PREP: variants seen among roughly 807,000 people sequenced by gnomAD.
PREP encodes dJ355L5.1 (prolyl endopeptidase).
Under a neutral mutation model 87.6 loss-of-function variants are expected in PREP, and 29 were observed. That is an observed-to-expected ratio of 0.33 (90% confidence interval 0.25 to 0.45). The LOEUF (loss-of-function observed/expected upper bound fraction) is 0.45, where lower values mean the gene tolerates loss of function less well. Ranked by LOEUF, PREP falls within the 20% of genes least tolerant of loss-of-function variation. The pLI is 1.00. For missense variants in PREP, 695 were observed against 886.5 expected, an observed-to-expected ratio of 0.78 and a Z score of 2.74; for synonymous variants, 337 against 328.6, an observed-to-expected ratio of 1.03 and a Z score of -0.28.
chr6:105,385,827 C>T (rs72939750), intron 2 of PREP, among the ~76,000 whole-genome samples: 12,652 of 152,208 alleles, frequency 0.083, 631 homozygotes, highest in Middle Eastern at 0.16. Flanking sequence ...CTAAAAAACA[C>T]GACCAATTGT....
chr6:105,315,108 A>T (rs904769189), intron 10 of PREP, among the ~76,000 whole-genome samples: 8 of 152,226 alleles, frequency 5.3e-5, no homozygotes, highest in Non-Finnish European at 1.0e-4. Context: ...GCTGTCATCC[A>T]GGCCATTTCT....
intron 7 of PREP, among the ~76,000 whole-genome samples, chr6:105,349,652 T>C (rs1771892608): frequency 6.6e-6 from 1 of 151,996 alleles, no homozygotes; most frequent in East Asian, 1.9e-4. Flanking sequence ...AAAATGCTGA[T>C]AATTCCCCCT....
At position 105,383,344 on chromosome 6, in the gene PREP, C is replaced by A. The variant is rs1772899034; in HGVS notation, c.121-5825G>T. Among the ~76,000 whole-genome samples, 5 of 151,756 alleles carry A rather than the reference C, an allele frequency of 3.3e-5. No individual in the cohort carries two copies. The South Asian group carries it at 1.0e-3, about 32-fold the overall frequency. Reference sequence around the variant, plus strand: ...GCCCATCAGACAACAAAGGGGGAATCTTAAGCCCCAGAAAGAAAAGCTTGT... The same window carrying A: ...GCCCATCAGACAACAAAGGGGGAATATTAAGCCCCAGAAAGAAAAGCTTGT... On this transcript the variant is annotated intron_variant, in intron 2 of 14. Coordinates refer to ENST00000652536, the MANE Select transcript of PREP (RefSeq NM_002726.5).
intron 1 of PREP, among the ~76,000 whole-genome samples, chr6:105,398,929 G>C (rs998592564): frequency 3.3e-5 from 5 of 152,020 alleles, no homozygotes; most frequent in African/African-American, 1.2e-4. Context: ...CCAACATGCT[G>C]AAATCCTGTC....
intron 8 of PREP, among the ~76,000 whole-genome samples, chr6:105,332,544 C>T (rs1301512421): frequency 6.6e-6 from 1 of 152,078 alleles, no homozygotes. Context: ...TCTAAATGGT[C>T]CTATTTTATC....
intron 10 of PREP, among the ~76,000 whole-genome samples, chr6:105,296,241 A>G (rs561479428): frequency 6.6e-6 from 1 of 152,278 alleles, no homozygotes; most frequent in Admixed American, 6.5e-5. Context: ...TAGTCATGTT[A>G]TATTTTGTCC....
At chr6:105,368,137 A>G (rs563120437) in intron 6 of PREP, among the ~76,000 whole-genome samples, 2 of 152,348 alleles carry the variant, frequency 1.3e-5, no homozygotes, top group East Asian at 1.9e-4. Flanking sequence ...TTTCAACTGA[A>G]GAGGTGTCTC....
intron 1 of PREP, among the ~76,000 whole-genome samples, chr6:105,399,159 G>A (rs1254009661): frequency 6.6e-6 from 1 of 151,998 alleles, no homozygotes; most frequent in Admixed American, 6.6e-5. Flanking sequence ...ACAATGTCTT[G>A]CCAATCAAGT....
intron 9 of PREP, among the ~76,000 whole-genome samples, chr6:105,324,613 T>C (rs998642442): frequency 4.6e-5 from 7 of 152,184 alleles, no homozygotes; most frequent in Admixed American, 4.6e-4. Flanking sequence ...TTTGAGCATA[T>C]GCTGTCAAGT....
At chr6:105,356,717 A>G (rs1394504216) in intron 6 of PREP, among the ~76,000 whole-genome samples, 1 of 152,162 alleles carries the variant, frequency 6.6e-6, no homozygotes, top group Non-Finnish European at 1.5e-5. Flanking sequence ...GGGGCAGCCT[A>G]TTGATCAATA....
chr6:105,391,410 CG>C (rs1554212372), intron 2 of PREP, among the ~76,000 whole-genome samples: 3 of 151,810 alleles, frequency 2.0e-5, no homozygotes, highest in South Asian at 2.1e-4. Flanking sequence ...AATAAAGAGA[CG>C]GGGTTTCATT....
chr6:105,374,625 G>A (rs1248646508), intron 4 of PREP, among the ~76,000 whole-genome samples: 1 of 108,730 alleles, frequency 9.2e-6, no homozygotes, highest in African/African-American at 3.6e-5. Context: ...TGGAGTGTTT[G>A]AATTGTTTAT....
Position 105,353,020 on chromosome 6 carries a change from T to A in PREP, c.775A>T (p.Asn259Tyr). 6.2e-7 allele frequency: 1 copy of A among 1,614,152 alleles called. No homozygotes were observed. The highest frequency in any genetic ancestry group is 1.1e-5 in the South Asian group (1 of 91,086). The part of the protein sequence containing the change: ...LSIREGCDPV[N>Y]RLWYCDLQQE... ...TGTAGGTCACAGTACCAGAGTCGGT[T>A]TACTGGATCACATCCTTCCCTTATT... Residue 259 changes from asparagine to tyrosine, a missense_variant, in exon 7 of 15, where the codon AAC (asparagine) becomes TAC (tyrosine). By Grantham distance (143) the Asn-to-Tyr change is moderately radical (BLOSUM62 -2). Coordinates refer to ENST00000652536, the MANE Select transcript of PREP (RefSeq NM_002726.5).
intron 2 of PREP, among the ~76,000 whole-genome samples, chr6:105,397,454 T>C (rs1007445606): frequency 2.0e-4 from 30 of 152,348 alleles, no homozygotes; most frequent in African/African-American, 7.2e-4. Context: ...TCAGTTTTCA[T>C]GACCTAATAT....
At position 105,276,409 on chromosome 6, in the gene PREP, C is replaced by T. The variant is rs1437935700; in HGVS notation, c.*1735G>A. ...AAAGTATGGTTAGATTCTGTGCAAC[C>T]TTGAAAATGCTCTGGACTCAGTGGG... is the stretch of plus-strand genomic sequence containing the variant. On this transcript the variant is annotated 3_prime_UTR_variant, in exon 15 of 15. Transcript: ENST00000652536. Among the ~76,000 whole-genome samples, 1 of 152,230 alleles carries T rather than the reference C, an allele frequency of 6.6e-6. No individual in the cohort carries two copies. The highest frequency in any genetic ancestry group is 1.5e-5 in the Non-Finnish European group (1 of 68,032).
At chr6:105,382,780 G>A (rs1252995186) in intron 2 of PREP, among the ~76,000 whole-genome samples, 2 of 152,194 alleles carry the variant, frequency 1.3e-5, no homozygotes, top group African/African-American at 4.8e-5. Context: ...CTTCCAGGTA[G>A]AGACTGGCTC....
At chr6:105,299,534 A>C (rs1770487372) in intron 10 of PREP, among the ~76,000 whole-genome samples, 1 of 152,108 alleles carries the variant, frequency 6.6e-6, no homozygotes, top group African/African-American at 2.4e-5. Flanking sequence ...AGAAGGCAGA[A>C]GTTGCAGTAA....
At chr6:105,401,183 A>T (rs1289849404) in intron 1 of PREP, among the ~76,000 whole-genome samples, 1 of 152,248 alleles carries the variant, frequency 6.6e-6, no homozygotes, top group Non-Finnish European at 1.5e-5. Flanking sequence ...CCTTTCATGA[A>T]ATATCAAACA....
Position 105,403,028 on chromosome 6 carries a change from G to A in PREP, c.-137C>T, listed in dbSNP as rs1156420691. 7 of 325,608 alleles carry A rather than the reference G, an allele frequency of 2.1e-5. No individual in the cohort carries two copies. The highest frequency in any genetic ancestry group is 2.7e-5 in the Non-Finnish European group (5 of 185,528). 20.2% of individuals were successfully genotyped at this position (325,608 alleles called of 1,614,324 possible). Reference sequence around the variant, plus strand: ...CGGCGGCAGCGGGCGGCCGGCTCACGGCCAGAGCTAGCACAAACGGACTGG... The same window carrying A: ...CGGCGGCAGCGGGCGGCCGGCTCACAGCCAGAGCTAGCACAAACGGACTGG... On this transcript the variant is annotated 5_prime_UTR_variant, in exon 1 of 15. Transcript: ENST00000652536.
Sources: gnomAD v4.1 joint callset for allele counts (sites outside exome capture counted in the v4.1 genomes callset) on GRCh38, gnomAD v4.1.1 for gene constraint, MANE v1.5 for transcripts, NCBI Gene and HGNC (gene_info 2026-07-23, HGNC 2026-07-21) for gene names.